Variants in MUSK observed in about 807,000 individuals in gnomAD.
The protein encoded by MUSK is muscle associated receptor tyrosine kinase.
A neutral mutation model predicts 88.7 loss-of-function variants in MUSK; 55 were observed. The observed-to-expected ratio is 0.62, with a 90% CI of 0.50 to 0.78. The LOEUF is 0.78. Among genes scored for constraint, MUSK ranks in the 30% least tolerant of loss-of-function variants. The pLI is 0.00. For synonymous variants in MUSK, 387 were observed against 391.9 expected (o/e 0.99, Z 0.15); for missense variants, 1,015 against 1,074.3 (o/e 0.94, Z 0.77).
At position 110,785,612 on chromosome 9, in the gene MUSK, C is replaced by T. The variant is rs867596271; in HGVS notation, c.1672C>T (p.Pro558Ser). ...TCCCAACCCCATGTACCAGAGGATG[C>T]CGCTCCTTCTGAACCCCAAATTGCT... is the stretch of plus-strand genomic sequence containing the variant. ...LHPNPMYQRM[P>S]LLLNPKLLSL... The change falls in exon 13 of 15, where the codon CCG (proline) becomes TCG (serine). Residue 558 changes from proline to serine, a missense_variant. Physicochemically the swap from Pro to Ser is moderately conservative, Grantham distance 74 (BLOSUM62 -1). Transcript: ENST00000374448. 6.2e-7 allele frequency: 1 copy of T among 1,613,282 alleles called. No individual in the cohort carries two copies. Among genetic ancestry groups the T allele is most frequent in the South Asian group, 1.1e-5 (1 of 91,000 alleles).
rs1021982098 is a variant in MUSK at position 110,785,725 on chromosome 9, T to C, written c.1778+7T>C. On this transcript the variant is annotated splice_region_variant and intron_variant, in intron 13 of 14. Coordinates refer to ENST00000374448, the MANE Select transcript of MUSK (RefSeq NM_005592.4). Reference sequence around the variant, plus strand: ...GAAGGGTGTTTCAAGCAAGGTAAAGTTACCTATGGAAAAAAAAACTCCATT... The same window carrying C: ...GAAGGGTGTTTCAAGCAAGGTAAAGCTACCTATGGAAAAAAAAACTCCATT... The C allele has an allele frequency of 6.3e-7, 1 of 1,583,744 alleles. No individual in the cohort carries two copies. Among genetic ancestry groups the C allele is most frequent in the Non-Finnish European group, 8.6e-7 (1 of 1,164,316 alleles).
intron 13 of MUSK, 34 bp from the exon 14 acceptor site, chr9:110,787,656 C>G: frequency 6.2e-7 from 1 of 1,605,384 alleles, no homozygotes; most frequent in East Asian, 2.2e-5. Context: ...TGTCCATGAT[C>G]TTTGGTTTCT....
At position 110,786,396 on chromosome 9, in the gene MUSK, TA is replaced by T. The variant is rs563038168; in HGVS notation, c.1778+680del. On this transcript the variant is annotated intron_variant, in intron 13 of 14. Coordinates refer to ENST00000374448, the MANE Select transcript of MUSK (RefSeq NM_005592.4). ...GTATTGCATAATACACTTCAAATCT[TA>T]ATTTCCCCTCTTTGCTGGAAAACAG... 9.2e-5 allele frequency among the ~76,000 whole-genome samples: 14 copies of T among 152,176 alleles called. No homozygotes were observed. The East Asian group carries it at 2.7e-3, about 29-fold the overall frequency.
intron 7 of MUSK, among the ~76,000 whole-genome samples, chr9:110,749,604 C>A (rs72756526): frequency 0.026 from 3,912 of 152,190 alleles, 73 homozygotes; most frequent in African/African-American, 0.051. Flanking sequence ...ATAGATATAT[C>A]CTCTAGCAAA....
chr9:110,761,498 C>T (rs1344692147), intron 7 of MUSK, among the ~76,000 whole-genome samples: 1 of 151,466 alleles, frequency 6.6e-6, no homozygotes, highest in Non-Finnish European at 1.5e-5. Flanking sequence ...TTTCTTTTCT[C>T]CTTCTCCTTC....
chr9:110,784,648 G>A (rs780368740), intron 11 of MUSK, among the ~76,000 whole-genome samples, 167 bp from the exon 12 acceptor site: 1 of 151,798 alleles, frequency 6.6e-6, no homozygotes, highest in Non-Finnish European at 1.5e-5. Context: ...CTATAAGCTG[G>A]ATTTACTTAC....
chr9:110,689,759 AAC>A (rs2076281564), intron 3 of MUSK, among the ~76,000 whole-genome samples: 1 of 35,966 alleles, frequency 2.8e-5, no homozygotes, highest in Admixed American at 3.6e-4. Flanking sequence ...ATTATATATA[AAC>A]TATATATATC....
chr9:110,763,942 T>C (rs906349202), intron 8 of MUSK, among the ~76,000 whole-genome samples: 5 of 152,184 alleles, frequency 3.3e-5, no homozygotes, highest in African/African-American at 4.8e-5. Context: ...ATTCTTTACC[T>C]ACTCCCTTTG....
At chr9:110,799,287 A>T (rs2078057226) in intron 14 of MUSK, among the ~76,000 whole-genome samples, 1 of 152,184 alleles carries the variant, frequency 6.6e-6, no homozygotes, top group Admixed American at 6.5e-5. Context: ...TATTTTTAAG[A>T]TGATGTGAAA....
At chr9:110,767,318 G>A (rs1474382192) in intron 8 of MUSK, among the ~76,000 whole-genome samples, 4 of 152,198 alleles carry the variant, frequency 2.6e-5, no homozygotes, top group African/African-American at 4.8e-5. Context: ...GAATCTGAGT[G>A]TGGAAGGTGT....
chr9:110,764,604 T>TAGAC (rs2077448851), intron 8 of MUSK, among the ~76,000 whole-genome samples: 1 of 15,696 alleles, frequency 6.4e-5, no homozygotes, highest in African/African-American at 1.1e-4. Context: ...ATAGATAGAT[T>TAGAC]AGATAGATAG....
chr9:110,675,215 C>CTTTTTTT (rs386415865), intron 1 of MUSK, among the ~76,000 whole-genome samples: 7 of 88,358 alleles, frequency 7.9e-5, no homozygotes, highest in Non-Finnish European at 1.1e-4. Flanking sequence ...CACATTGCCT[C>CTTTTTTT]TTTTTTTTTT....
rs545937038 is a variant in MUSK, at chr9:110,714,943, G to T, written c.628+17477G>T. Among the ~76,000 whole-genome samples the T allele has an allele frequency of 5.3e-4, 73 of 137,516 alleles. 9 individuals carry two copies. The highest frequency in any genetic ancestry group is 2.4e-3 in the African/African-American group (73 of 30,562). 90.2% of individuals were successfully genotyped at this position (137,516 alleles called of 152,430 possible). A position where few individuals can be genotyped will look rare whatever the true frequency, so the allele number is the denominator to read the frequency against. ...ATGAGCATCTATGTTTTAATAACAG[G>T]GTCGAAAGAATTTCTCTCTCTACAG... is the stretch of plus-strand genomic sequence containing the variant. On this transcript the variant is annotated intron_variant, in intron 5 of 14. Transcript: ENST00000374448.
intron 1 of MUSK, among the ~76,000 whole-genome samples, chr9:110,672,661 T>TA (rs199630820): frequency 2.0e-4 from 29 of 148,512 alleles, no homozygotes; most frequent in South Asian, 6.4e-4. Flanking sequence ...TTTGTTGTAC[T>TA]AAAAAAAAAA....
chr9:110,683,559 A>G (rs555590073), intron 2 of MUSK, among the ~76,000 whole-genome samples: 1 of 152,166 alleles, frequency 6.6e-6, no homozygotes, highest in East Asian at 1.9e-4. Context: ...ACTTCAAACT[A>G]TTCTCCATAG....
At chr9:110,751,543 G>C (rs2077247864) in intron 7 of MUSK, among the ~76,000 whole-genome samples, 2 of 152,198 alleles carry the variant, frequency 1.3e-5, no homozygotes, top group South Asian at 4.1e-4. Context: ...AGCAGCAGAG[G>C]TGAGTGCCTA....
intron 7 of MUSK, among the ~76,000 whole-genome samples, chr9:110,760,725 TC>T (rs533676964): frequency 4.8e-4 from 73 of 152,120 alleles, no homozygotes; most frequent in Admixed American, 1.6e-3. Context: ...GAACCTAAAA[TC>T]AAAGTTAAAA....
chr9:110,696,226 C>T (rs1309765391), intron 4 of MUSK, among the ~76,000 whole-genome samples: 2 of 151,150 alleles, frequency 1.3e-5, no homozygotes, highest in African/African-American at 4.9e-5. Context: ...GCAAGTGAGC[C>T]AAGATCTCAC....
chr9:110,682,857 A>G, intron 2 of MUSK, 57 bp downstream of exon 2: 2 of 1,213,914 alleles, frequency 1.6e-6, no homozygotes, highest in Non-Finnish European at 2.3e-6. Flanking sequence ...GTAGGTGTAT[A>G]TATATGTATA....
Sources: gnomAD v4.1 joint callset for allele counts (sites outside exome capture counted in the v4.1 genomes callset) on GRCh38, gnomAD v4.1.1 for gene constraint, MANE v1.5 for transcripts, NCBI Gene and HGNC (gene_info 2026-07-23, HGNC 2026-07-21) for gene names.